CCDC73: variants seen among roughly 807,000 people sequenced by gnomAD.
CCDC73 encodes coiled-coil domain containing 73, also known as coiled-coil domain-containing protein 73.
In CCDC73, 95 loss-of-function variants were observed where a neutral mutation model predicts 116.5. That is an observed-to-expected ratio of 0.82 (90% CI 0.69 to 0.97). The LOEUF (loss-of-function observed/expected upper bound fraction) is 0.97. Among genes scored for constraint, CCDC73 ranks in the 50% least tolerant of loss-of-function variants. The pLI is 0.00. For synonymous variants in CCDC73, 398 were observed against 401.3 expected, an observed-to-expected ratio of 0.99 and a Z score of 0.10; for missense variants, 1,066 against 1,206.8, an observed-to-expected ratio of 0.88 and a Z score of 1.73.
intron 9 of CCDC73, among the ~76,000 whole-genome samples, chr11:32,667,318 G>A (rs1855994190): frequency 6.6e-6 from 1 of 152,198 alleles, no homozygotes; most frequent in Non-Finnish European, 1.5e-5. Context: ...CACCCAGTTC[G>A]AGCTTCCTGG....
intron 3 of CCDC73, among the ~76,000 whole-genome samples, chr11:32,709,952 A>G (rs1254708921): frequency 6.6e-6 from 1 of 152,190 alleles, no homozygotes; most frequent in African/African-American, 2.4e-5. Context: ...ATTTCCAGGA[A>G]TTTATCCGTC....
intron 9 of CCDC73, among the ~76,000 whole-genome samples, chr11:32,673,429 C>A (rs532245723): frequency 1.3e-5 from 2 of 152,096 alleles, no homozygotes; most frequent in African/African-American, 4.8e-5. Flanking sequence ...TAGTGAAAGT[C>A]TATGTATATA....
At chr11:32,730,021 T>G (rs911025298) in intron 2 of CCDC73, among the ~76,000 whole-genome samples, 1 of 152,220 alleles carries the variant, frequency 6.6e-6, no homozygotes, top group African/African-American at 2.4e-5. Flanking sequence ...CCCCCTACTC[T>G]GCTCACTGAA....
At chr11:32,817,074 C>G in the CCDC73 span, among the ~76,000 whole-genome samples, 15,639 of 152,280 alleles carry the variant, frequency 0.1, 848 homozygotes, top group Non-Finnish European at 0.13. Flanking sequence ...CGTGAGCCAC[C>G]ACGCTCAGCC....
intron 2 of CCDC73, among the ~76,000 whole-genome samples, chr11:32,751,950 T>C (rs1053561549): frequency 3.9e-4 from 60 of 152,340 alleles, no homozygotes; most frequent in African/African-American, 1.4e-3. Flanking sequence ...CTGCTTCACA[T>C]GCTATGGATA....
intron 7 of CCDC73, chr11:32,681,030 C>T (rs1590590700): frequency 6.6e-6 from 1 of 151,832 alleles, no homozygotes; most frequent in Non-Finnish European, 1.5e-5. Context: ...CCAGATAAGT[C>T]TTCAGTTTAA....
At position 32,788,251 on chromosome 11, in the gene CCDC73, A is replaced by G. The variant is rs534805768; in HGVS notation, c.-16+6362T>C. On this transcript the variant is annotated intron_variant, in intron 1 of 17. Coordinates refer to ENST00000335185, the MANE Select transcript of CCDC73 (RefSeq NM_001008391.4). ...AAAACCATGAATCAAAGAAGGCAGCATGTACAATCAGAGTGTTTCCTATAA... is the reference window on the plus strand; with the variant it reads ...AAAACCATGAATCAAAGAAGGCAGCGTGTACAATCAGAGTGTTTCCTATAA... Among the ~76,000 whole-genome samples the G allele has an allele frequency of 1.2e-3, 185 of 152,364 alleles. 1 individual carries two copies. Among genetic ancestry groups the G allele is most frequent in the Non-Finnish European group, 1.7e-3 (119 of 68,032 alleles).
chr11:32,664,869 G>A (rs112168678), intron 9 of CCDC73, among the ~76,000 whole-genome samples: 7,324 of 152,166 alleles, frequency 0.048, 195 homozygotes, highest in African/African-American at 0.064. Flanking sequence ...CTTTGTTCTC[G>A]TTGGTTTCGA....
At chr11:32,819,758 A>T in the CCDC73 span, among the ~76,000 whole-genome samples, 1 of 152,162 alleles carries the variant, frequency 6.6e-6, no homozygotes, top group Non-Finnish European at 1.5e-5. Flanking sequence ...ACTATACATA[A>T]CCAAGAGGCT....
upstream of CCDC73, among the ~76,000 whole-genome samples, chr11:32,795,310 A>C (rs1850715088): frequency 6.6e-6 from 1 of 151,978 alleles, no homozygotes; most frequent in Non-Finnish European, 1.5e-5. Flanking sequence ...TCTCTACCCA[A>C]AAATACAAAA....
intron 13 of CCDC73, among the ~76,000 whole-genome samples, chr11:32,639,805 T>C (rs1855716468): frequency 6.6e-6 from 1 of 152,118 alleles, no homozygotes; most frequent in Non-Finnish European, 1.5e-5. Context: ...TTTCACTTAT[T>C]GTTTTTTTGT....
intron 7 of CCDC73, among the ~76,000 whole-genome samples, chr11:32,677,905 T>G (rs1856103650): frequency 7.6e-6 from 1 of 131,926 alleles, no homozygotes; most frequent in Admixed American, 9.3e-5. Context: ...TGAACCAAGA[T>G]CGTGACACTG....
chr11:32,730,311 T>C (rs1850064328), intron 2 of CCDC73, among the ~76,000 whole-genome samples: 2 of 152,206 alleles, frequency 1.3e-5, no homozygotes, highest in African/African-American at 4.8e-5. Flanking sequence ...TATAGCTCTG[T>C]CTTTTCCAGA....
chr11:32,822,637 A>G, the CCDC73 span, among the ~76,000 whole-genome samples: 4 of 152,214 alleles, frequency 2.6e-5, no homozygotes, highest in African/African-American at 9.6e-5. Context: ...TTTTATTTAC[A>G]TAAGTGGCAA....
intron 1 of CCDC73, among the ~76,000 whole-genome samples, chr11:32,777,710 A>G (rs1270005098): frequency 6.6e-6 from 1 of 152,152 alleles, no homozygotes; most frequent in African/African-American, 2.4e-5. Flanking sequence ...TTTATAAGAA[A>G]GGTATATTTC....
At chr11:32,784,886 AGAACAGGCTG>A (rs1363353307) in intron 1 of CCDC73, among the ~76,000 whole-genome samples, 3 of 152,224 alleles carry the variant, frequency 2.0e-5, no homozygotes, top group Admixed American at 6.5e-5. Flanking sequence ...ATGATAGAAC[AGAACAGGCTG>A]GGCACGGTGG....
At chr11:32,798,574 G>A (rs749897134), upstream of CCDC73, among the ~76,000 whole-genome samples, 1 of 152,180 alleles carries the variant, frequency 6.6e-6, no homozygotes, top group Non-Finnish European at 1.5e-5. Flanking sequence ...CCAAAGTGCT[G>A]GGATTACAGG....
chr11:32,766,564 G>A (rs546991221), intron 1 of CCDC73, among the ~76,000 whole-genome samples: 44 of 152,264 alleles, frequency 2.9e-4, no homozygotes, highest in African/African-American at 1.0e-3. Context: ...AAACCCCATC[G>A]TCTCAGCCCA....
chr11:32,812,588 G>C, the CCDC73 span, among the ~76,000 whole-genome samples: 1 of 151,210 alleles, frequency 6.6e-6, no homozygotes, highest in African/African-American at 2.4e-5. Flanking sequence ...AGAATCACTT[G>C]AACCCAGGAG....
Sources: gnomAD v4.1 joint callset for allele counts (sites outside exome capture counted in the v4.1 genomes callset) on GRCh38, gnomAD v4.1.1 for gene constraint, MANE v1.5 for transcripts, NCBI Gene and HGNC (gene_info 2026-07-23, HGNC 2026-07-21) for gene names.